DCC: variants seen among roughly 807,000 people sequenced by gnomAD.
DCC encodes the protein netrin receptor DCC.
A neutral mutation model predicts 172.5 loss-of-function variants in DCC; 58 were observed. The ratio of observed to expected loss-of-function variants is 0.34; its 90% CI spans 0.27 to 0.42. The LOEUF is 0.42. Ranked by LOEUF, DCC falls within the 10% of genes least tolerant of loss-of-function variation. DCC has a pLI of 1.00. For synonymous variants in DCC, 709 were observed against 644.5 expected, an observed-to-expected ratio of 1.10 and a Z score of -1.52; for missense variants, 1,740 against 1,791.0, an observed-to-expected ratio of 0.97 and a Z score of 0.51.
intron 1 of DCC, among the ~76,000 whole-genome samples, chr18:52,432,733 A>C (rs927223622): frequency 4.6e-5 from 7 of 152,216 alleles, no homozygotes; most frequent in African/African-American, 1.7e-4. Flanking sequence ...TTGCGATTAA[A>C]TACACTATCA....
chr18:53,258,423 G>C (rs1048333187), intron 12 of DCC, among the ~76,000 whole-genome samples: 3 of 151,916 alleles, frequency 2.0e-5, no homozygotes, highest in Non-Finnish European at 4.4e-5. Context: ...CTTTGTTCTC[G>C]TTGGTTTCAA....
intron 2 of DCC, among the ~76,000 whole-genome samples, chr18:52,856,510 C>T (rs1346498965): frequency 2.7e-5 from 4 of 150,928 alleles, no homozygotes; most frequent in Non-Finnish European, 5.9e-5. Context: ...CCTGTAGTTC[C>T]AGCTACTCCG....
At position 52,533,499 on chromosome 18, in the gene DCC, A is replaced by T. The variant is rs544443971; in HGVS notation, c.91+192621A>T. Among the ~76,000 whole-genome samples the T allele has an allele frequency of 4.6e-5, 7 of 152,206 alleles. No homozygotes were observed. In the South Asian group the frequency reaches 1.5e-3, roughly 32 times the overall value. On this transcript the variant is annotated intron_variant, in intron 1 of 28. Transcript: ENST00000442544. ...TATAAATGGAATCAAACATTATTTA[A>T]TCTTATGGGATTGACTTTTTTTTGC...
chr18:52,951,863 C>G (rs1354625337), intron 5 of DCC, among the ~76,000 whole-genome samples: 1 of 152,162 alleles, frequency 6.6e-6, no homozygotes, highest in African/African-American at 2.4e-5. Flanking sequence ...GTTGGATAGG[C>G]ACCCATGCTT....
intron 7 of DCC, among the ~76,000 whole-genome samples, chr18:53,071,760 T>C (rs974700457): frequency 2.0e-5 from 3 of 152,148 alleles, no homozygotes; most frequent in African/African-American, 7.2e-5. Flanking sequence ...GGCTAAGAAG[T>C]CTCCTTTCTA....
chr18:53,387,421 A>G (rs1908240432), intron 16 of DCC, among the ~76,000 whole-genome samples: 1 of 152,172 alleles, frequency 6.6e-6, no homozygotes, highest in South Asian at 2.1e-4. Flanking sequence ...AGAATGCAAA[A>G]TTTTGGGCAG....
chr18:53,040,990 T>C (rs1296153510), intron 5 of DCC, among the ~76,000 whole-genome samples: 1 of 151,794 alleles, frequency 6.6e-6, no homozygotes, highest in East Asian at 2.0e-4. Context: ...AGGTTGCCTG[T>C]TCACTCTGAT....
chr18:52,600,262 A>G (rs1289703767), intron 1 of DCC, among the ~76,000 whole-genome samples: 2 of 152,170 alleles, frequency 1.3e-5, no homozygotes, highest in Non-Finnish European at 2.9e-5. Flanking sequence ...TATTGAAATG[A>G]CCAGGTTTTC....
chr18:53,193,612 C>A (rs187226053), intron 9 of DCC, among the ~76,000 whole-genome samples: 479 of 152,214 alleles, frequency 3.1e-3, no homozygotes, highest in Admixed American at 7.3e-3. Flanking sequence ...CCCTTTACTG[C>A]TGGTCTCTGT....
chr18:53,056,193 G>T (rs973832505), intron 5 of DCC, among the ~76,000 whole-genome samples: 2 of 152,074 alleles, frequency 1.3e-5, no homozygotes, highest in African/African-American at 4.8e-5. Flanking sequence ...ACGGCGAAAG[G>T]CAAAGGGGAA....
intron 5 of DCC, among the ~76,000 whole-genome samples, chr18:52,975,358 CT>C (rs911926043): frequency 6.6e-6 from 1 of 152,104 alleles, no homozygotes; most frequent in Non-Finnish European, 1.5e-5. Context: ...GGACTCTACT[CT>C]TTTTTTAACT....
intron 14 of DCC, among the ~76,000 whole-genome samples, chr18:53,323,167 T>C (rs2057431451): frequency 6.6e-6 from 1 of 152,188 alleles, no homozygotes; most frequent in African/African-American, 2.4e-5. Context: ...TCTCTTTCCA[T>C]GTCTTCCTCA....
chr18:53,087,733 T>G (rs1270531603), intron 7 of DCC, among the ~76,000 whole-genome samples: 6 of 152,190 alleles, frequency 3.9e-5, no homozygotes, highest in African/African-American at 1.4e-4. Flanking sequence ...TTTATGGTTT[T>G]AGGTCTAACG....
intron 7 of DCC, among the ~76,000 whole-genome samples, chr18:53,126,849 C>T (rs1394524093): frequency 3.3e-5 from 5 of 152,138 alleles, no homozygotes; most frequent in East Asian, 1.9e-4. Context: ...AAACAAAAAT[C>T]GAAACTCACA....
intron 1 of DCC, among the ~76,000 whole-genome samples, chr18:52,538,946 G>A (rs557495692): frequency 7.2e-5 from 11 of 152,236 alleles, no homozygotes; most frequent in African/African-American, 2.4e-4. Context: ...ACATGGCCTC[G>A]GTACTGAGGT....
intron 1 of DCC, among the ~76,000 whole-genome samples, chr18:52,606,581 T>C (rs1027020752): frequency 5.3e-5 from 8 of 152,182 alleles, no homozygotes; most frequent in African/African-American, 1.7e-4. Flanking sequence ...TCTCAGAAGA[T>C]AAAGATCGCT....
At chr18:52,364,748 C>G (rs1984769729) in intron 1 of DCC, among the ~76,000 whole-genome samples, 1 of 152,132 alleles carries the variant, frequency 6.6e-6, no homozygotes, top group Admixed American at 6.6e-5. Flanking sequence ...TTTTGCCCTT[C>G]TTAGTATGAG....
At chr18:52,607,105 A>G (rs1045297610) in intron 1 of DCC, among the ~76,000 whole-genome samples, 35 of 152,284 alleles carry the variant, frequency 2.3e-4, no homozygotes, top group African/African-American at 8.4e-4. Context: ...TAGTATGTCC[A>G]ATATGGAATA....
At chr18:52,706,814 C>G (rs1384435316) in intron 1 of DCC, among the ~76,000 whole-genome samples, 1 of 152,098 alleles carries the variant, frequency 6.6e-6, no homozygotes, top group African/African-American at 2.4e-5. Context: ...TAAACAAACT[C>G]TAAAACATGG....
Sources: allele counts gnomAD v4.1 joint callset (sites outside exome capture counted in the v4.1 genomes callset), GRCh38; gene constraint gnomAD v4.1.1; transcripts MANE v1.5; gene names NCBI Gene and HGNC (gene_info 2026-07-23, HGNC 2026-07-21).